PAM: variants seen among roughly 807,000 people sequenced by gnomAD.
PAM encodes the protein peptidyl-glycine alpha-amidating monooxygenase.
In PAM, 72 loss-of-function variants were observed where a neutral mutation model predicts 122.1. The ratio of observed to expected loss-of-function variants is 0.59; its 90% CI spans 0.49 to 0.72. The LOEUF (loss-of-function observed/expected upper bound fraction) is 0.72. PAM is among the 30% of genes least tolerant of loss of function. The pLI is 0.00. For missense variants in PAM, 1,106 were observed against 1,183.7 expected, an observed-to-expected ratio of 0.93 and a Z score of 0.96; for synonymous variants, 389 against 404.4, an observed-to-expected ratio of 0.96 and a Z score of 0.46.
At chr5:102,782,916 G>A (rs1390626335) in intron 1 of PAM, among the ~76,000 whole-genome samples, 1 of 151,552 alleles carries the variant, frequency 6.6e-6, no homozygotes, top group Admixed American at 6.6e-5. Context: ...GTGTATCTGA[G>A]ATGCTAATGG....
intron 1 of PAM, among the ~76,000 whole-genome samples, chr5:102,847,455 C>T (rs564806367): frequency 6.6e-6 from 1 of 151,980 alleles, no homozygotes; most frequent in South Asian, 2.1e-4. Flanking sequence ...TTTTTTTTGC[C>T]AAGTAAGAAG....
intron 23 of PAM, among the ~76,000 whole-genome samples, chr5:103,022,932 C>T (rs1397911849): frequency 2.6e-5 from 4 of 152,038 alleles, no homozygotes; most frequent in African/African-American, 9.7e-5. Context: ...TGTTTATTTT[C>T]TTTAGAATGG....
At chr5:102,835,641 C>A (rs1776814081) in intron 1 of PAM, among the ~76,000 whole-genome samples, 1 of 151,506 alleles carries the variant, frequency 6.6e-6, no homozygotes, top group South Asian at 2.1e-4. Context: ...ACAGGGTTGC[C>A]TTATACATGT....
intron 19 of PAM, among the ~76,000 whole-genome samples, 181 bp downstream of exon 19, chr5:103,007,192 T>TAC (rs56140031): frequency 0.068 from 9,573 of 141,414 alleles, 329 homozygotes; most frequent in Non-Finnish European, 0.093. Context: ...CACATATACA[T>TAC]ACACACACAC....
chr5:102,925,577 T>C (rs1749142357), intron 6 of PAM, among the ~76,000 whole-genome samples: 1 of 152,176 alleles, frequency 6.6e-6, no homozygotes, highest in Non-Finnish European at 1.5e-5. Flanking sequence ...CTGTCGTGGT[T>C]CATGGATGAT....
At chr5:102,872,249 C>T (rs1041320025) in intron 3 of PAM, among the ~76,000 whole-genome samples, 3 of 152,072 alleles carry the variant, frequency 2.0e-5, no homozygotes, top group African/African-American at 7.2e-5. Flanking sequence ...TATCTATTGC[C>T]AGGAATCAGA....
At chr5:102,826,589 C>G (rs932217618) in intron 1 of PAM, among the ~76,000 whole-genome samples, 1 of 152,106 alleles carries the variant, frequency 6.6e-6, no homozygotes, top group Non-Finnish European at 1.5e-5. Context: ...CACCAGAGAT[C>G]CCCTACCTCT....
chr5:102,894,550 G>T (rs542578609), intron 3 of PAM, among the ~76,000 whole-genome samples: 1 of 151,524 alleles, frequency 6.6e-6, no homozygotes, highest in East Asian at 2.0e-4. Flanking sequence ...TACACACATT[G>T]CCCAATTACT....
chr5:103,003,107 A>G lies in PAM; in HGVS notation c.1688A>G (p.Asp563Gly), dbSNP rs35658696. Reference sequence around the variant, plus strand: ...GAAGAAGACACTATTCTTGTCATAGATCCAAATAATGCTGCAGTACTCCAG... The same window carrying G: ...GAAGAAGACACTATTCTTGTCATAGGTCCAAATAATGCTGCAGTACTCCAG... ...PIEEDTILVIDPNNAAVLQSS... is the reference protein window; with the variant it reads ...PIEEDTILVIGPNNAAVLQSS... The change falls in exon 17 of 26, where the codon GAT becomes GGT. Residue 563 changes from aspartate (D) to glycine (G), a missense_variant. Asp to Gly is a moderately conservative substitution (Grantham distance 94, BLOSUM62 -1). Around this residue, in one of 3 missense-constraint regions of PAM, gnomAD observed 670 missense variants for 690.3 expected, o/e 0.97. Transcript: ENST00000438793. 67,515 of 1,599,210 alleles carry G rather than the reference A, an allele frequency of 0.042. 1,705 individuals are homozygous for G. The highest frequency in any genetic ancestry group is 0.05 in the Non-Finnish European group (58,261 of 1,166,514).
At chr5:102,805,329 A>G (rs553554382) in intron 1 of PAM, among the ~76,000 whole-genome samples, 1 of 151,976 alleles carries the variant, frequency 6.6e-6, no homozygotes, top group East Asian at 1.9e-4. Flanking sequence ...CAGCCTCCCA[A>G]TGTGCTGTGA....
At chr5:102,880,058 A>T (rs558700465) in intron 3 of PAM, among the ~76,000 whole-genome samples, 2 of 152,174 alleles carry the variant, frequency 1.3e-5, no homozygotes, top group African/African-American at 2.4e-5. Flanking sequence ...AGGAAGGTGG[A>T]TCACTTGAGC....
chr5:102,880,837 A>C (rs1271805416), intron 3 of PAM, among the ~76,000 whole-genome samples: 1 of 152,182 alleles, frequency 6.6e-6, no homozygotes, highest in African/African-American at 2.4e-5. Context: ...AGGTTTAAAA[A>C]TGGAAAACAT....
chr5:102,758,447 C>T (rs1751306979), intron 1 of PAM, among the ~76,000 whole-genome samples: 1 of 152,152 alleles, frequency 6.6e-6, no homozygotes, highest in Admixed American at 6.5e-5. Context: ...GCCGTGTCAT[C>T]TGGTATAATA....
At chr5:102,887,221 C>T (rs1793405236) in intron 3 of PAM, among the ~76,000 whole-genome samples, 1 of 151,948 alleles carries the variant, frequency 6.6e-6, no homozygotes, top group South Asian at 2.1e-4. Context: ...GATTAATGCC[C>T]TCACATGGGG....
At chr5:102,842,207 T>A (rs1348089385) in intron 1 of PAM, among the ~76,000 whole-genome samples, 2 of 146,086 alleles carry the variant, frequency 1.4e-5, no homozygotes, top group Admixed American at 6.8e-5. Context: ...ACAACCTAAA[T>A]ATATATATAT....
At chr5:102,975,808 G>C (rs372742806) in intron 15 of PAM, among the ~76,000 whole-genome samples, 46 of 152,166 alleles carry the variant, frequency 3.0e-4, no homozygotes, top group Admixed American at 2.0e-4. Context: ...TTGTGTTCAT[G>C]TGTGAAATGT....
chr5:103,028,962 G>A lies in PAM; in HGVS notation c.2819G>A (p.Arg940Gln), dbSNP rs759133083. Residue 940 changes from arginine (R) to glutamine (Q), a missense_variant, in exon 26 of 26, where the codon CGG (arginine) becomes CAG (glutamine). Physicochemically the swap from Arg to Gln is conservative, Grantham distance 43 (BLOSUM62 1). This residue lies in a region of PAM where 333 missense variants were observed against 335.6 expected (regional missense o/e 0.99). Transcript: ENST00000438793. ...GGCTACAGTCGAAAAGGGTTTGACCGGCTTAGCACTGAGGGCAGTGACCAA... is the reference window on the plus strand; with the variant it reads ...GGCTACAGTCGAAAAGGGTTTGACCAGCTTAGCACTGAGGGCAGTGACCAA... ...RKGYSRKGFD[R>Q]LSTEGSDQEK... is the part of the protein sequence containing the mutation. 16 of 1,613,590 alleles carry A rather than the reference G, an allele frequency of 9.9e-6. No individual in the cohort carries two copies. The highest frequency in any genetic ancestry group is 1.3e-5 in the African/African-American group (1 of 74,858).
chr5:102,856,076 G>A (rs1036273881), intron 1 of PAM, among the ~76,000 whole-genome samples: 1 of 152,006 alleles, frequency 6.6e-6, no homozygotes, highest in African/African-American at 2.4e-5. Context: ...AAATTTTACT[G>A]AAGAGGAACA....
At chr5:102,909,742 A>T (rs543825281) in intron 4 of PAM, among the ~76,000 whole-genome samples, 3 of 152,014 alleles carry the variant, frequency 2.0e-5, no homozygotes, top group East Asian at 3.9e-4. Flanking sequence ...GTTTAATAAC[A>T]TGTAAAAATA....
Sources: gnomAD v4.1 joint callset for allele counts (sites outside exome capture counted in the v4.1 genomes callset) on GRCh38, gnomAD v4.1.1 for gene constraint, gnomAD v4.1.1 regional missense constraint, MANE v1.5 for transcripts, NCBI Gene and HGNC (gene_info 2026-07-23, HGNC 2026-07-21) for gene names.